NELFCD: variants seen among roughly 807,000 people sequenced by gnomAD.
NELFCD encodes the protein negative elongation factor complex member C/D.
Under a neutral mutation model 72.9 loss-of-function variants are expected in NELFCD, and 48 were observed. That is an observed-to-expected ratio of 0.66 (90% CI 0.52 to 0.84). The LOEUF is 0.84. Ranked by LOEUF, NELFCD falls within the 40% of genes least tolerant of loss-of-function variation. The pLI is 0.00. For missense variants in NELFCD, 538 were observed against 723.8 expected (o/e 0.74, Z 2.94); for synonymous variants, 297 against 280.6 (o/e 1.06, Z -0.59).
Position 58,994,681 on chromosome 20 carries a change from G to C in NELFCD, c.*5G>C. On this transcript the variant is annotated 3_prime_UTR_variant, in exon 15 of 15. Transcript: ENST00000652272. ...AACTTCATCATGGTGAACTAATTTA[G>C]AGCATCCTCCAGAGCTGAAGCAGAA... 6.2e-7 allele frequency: 1 copy of C among 1,609,876 alleles called. No individual in the cohort carries two copies. Among genetic ancestry groups the C allele is most frequent in the South Asian group, 1.1e-5 (1 of 90,882 alleles).
chr20:58,994,970 C>T lies in NELFCD; in HGVS notation c.*294C>T. 2.9e-6 allele frequency: 1 copy of T among 340,880 alleles called. No individual in the cohort carries two copies. Among genetic ancestry groups the T allele is most frequent in the African/African-American group, 2.1e-5 (1 of 47,156 alleles). The allele number at this position is 340,880 out of a possible 1,614,324, so 21.1% of individuals were successfully genotyped here. On this transcript the variant is annotated 3_prime_UTR_variant, in exon 15 of 15. Transcript: ENST00000652272. Reference sequence around the variant, plus strand: ...GACCCCTCAGGACAGATCTGGCCGTCAGCCGCGGGCCGCTGGGAACTCCAC... The same window carrying T: ...GACCCCTCAGGACAGATCTGGCCGTTAGCCGCGGGCCGCTGGGAACTCCAC...
chr20:58,992,158 G>T (rs1434137642), intron 10 of NELFCD, 138 bp downstream of exon 10: 8 of 928,816 alleles, frequency 8.6e-6, no homozygotes, highest in Non-Finnish European at 1.2e-5. Context: ...TAAACAGTAT[G>T]TAGGGAACTT....
chr20:58,994,580 A>AT, intron 14 of NELFCD, 62 bp from the exon 15 acceptor site: 9 of 1,292,950 alleles, frequency 7.0e-6, no homozygotes, highest in Non-Finnish European at 9.9e-6. Context: ...AAAAAAAAAA[A>AT]GAAAGAAAAT....
chr20:58,987,415 TCC>T, intron 3 of NELFCD: 1 of 376,520 alleles, frequency 2.7e-6, no homozygotes, highest in Non-Finnish European at 4.8e-6. Flanking sequence ...TGTTTTTCCA[TCC>T]CCCTACCTGT....
chr20:58,993,462 A>G lies in NELFCD; in HGVS notation c.1358A>G (p.His453Arg). The change falls in exon 12 of 15, where the codon CAC becomes CGC. Residue 453 changes from histidine (H) to arginine (R), a missense_variant. By Grantham distance (29) the His-to-Arg change is conservative (BLOSUM62 0). Transcript: ENST00000652272. The surrounding 1 kb of genome is among the most constrained non-coding windows in gnomAD (Gnocchi z 5.0). ...LALLDEISTC[H>R]QLLHPQVLQL... ...GCCTGTTTGTAGATCAGCACCTGCC[A>G]CCAGCTCCTGCACCCCCAGGTCCTG... is the stretch of plus-strand genomic sequence containing the variant. 6.2e-7 allele frequency: 1 copy of G among 1,613,788 alleles called. No individual in the cohort carries two copies. The highest frequency in any genetic ancestry group is 8.5e-7 in the Non-Finnish European group (1 of 1,180,018).
Position 58,987,922 on chromosome 20 carries a change from G to A in NELFCD, c.396+105G>A, listed in dbSNP as rs538676179. The A allele has an allele frequency of 3.7e-6, 3 of 811,658 alleles. No individual in the cohort carries two copies. In the African/African-American group the frequency reaches 5.2e-5, roughly 14 times the overall value. 50.3% of individuals were successfully genotyped at this position (811,658 alleles called of 1,614,324 possible). On this transcript the variant is annotated intron_variant, in intron 4 of 14. Transcript: ENST00000652272. The stretch of plus-strand genomic sequence containing the variant: ...ATCATGTAAGTAATGGCAGAGTTGA[G>A]GACTAAAATCAGAGTGTGAGACAGA...
At chr20:58,986,000 C>T (rs1471263287) in intron 1 of NELFCD, 93 bp from the exon 2 acceptor site, 1 of 856,656 alleles carries the variant, frequency 1.2e-6, no homozygotes, top group African/African-American at 1.7e-5. Flanking sequence ...GTGTAGAATA[C>T]TTTCAAAATG....
At position 58,993,586 on chromosome 20, in the gene NELFCD, C is replaced by G; in HGVS notation, c.1441-38C>G. On this transcript the variant is annotated intron_variant, in intron 12 of 14. Transcript: ENST00000652272. This position sits in a 1 kb window ranked among gnomAD's most constrained non-coding sequence, Gnocchi z 5.0. ...GGGCTTGCCAGAGGGCTGAGGAGGA[C>G]CCTCTCTAACCAGCTCCCTGTCCCC... The G allele has an allele frequency of 6.2e-7, 1 of 1,614,122 alleles. No individual in the cohort carries two copies. The highest frequency in any genetic ancestry group is 8.5e-7 in the Non-Finnish European group (1 of 1,179,968).
rs1180093523 is a variant in NELFCD, at chr20:58,994,656, A to G, written c.1726A>G (p.Asn576Asp). Residue 576 changes from asparagine to aspartate, a missense_variant, in exon 15 of 15, where the codon AAC (asparagine) becomes GAC (aspartate). This residue lies in a region of NELFCD where 136 missense variants were observed against 154.0 expected (regional missense o/e 0.88). Coordinates refer to ENST00000652272, the MANE Select transcript of NELFCD (RefSeq NM_198976.4). ...VTEFIAHCKSNFIMVN is the reference protein window; with the variant it reads ...VTEFIAHCKSDFIMVN ...CCTCGTTAAAGCTCACTGCAAATCT[A>G]ACTTCATCATGGTGAACTAATTTAG... 1.9e-6 allele frequency: 3 copies of G among 1,611,942 alleles called. No individual in the cohort carries two copies. The highest frequency in any genetic ancestry group is 1.1e-5 in the South Asian group (1 of 90,998).
chr20:58,982,415 C>T (rs1475074246), intron 1 of NELFCD, among the ~76,000 whole-genome samples: 1 of 152,094 alleles, frequency 6.6e-6, no homozygotes, highest in Non-Finnish European at 1.5e-5. Flanking sequence ...ACCTCTGCCT[C>T]CCAAAGTACT....
At position 58,987,734 on chromosome 20, in the gene NELFCD, A is replaced by G. The variant is rs752515162; in HGVS notation, c.313A>G (p.Thr105Ala). Reference protein sequence around the residue: ...TGVEPVQVQETVENHLKSLLI... With the variant: ...TGVEPVQVQEAVENHLKSLLI... ...TGTTGAGCCAGTGCAGGTTCAGGAAACTGTGGAAAATCACTTGAAGAGTTT... is the reference window on the plus strand; with the variant it reads ...TGTTGAGCCAGTGCAGGTTCAGGAAGCTGTGGAAAATCACTTGAAGAGTTT... Residue 105 changes from threonine (T) to alanine (A), a missense_variant, in exon 4 of 15, where the codon ACT becomes GCT. Around this residue, in one of 3 missense-constraint regions of NELFCD, gnomAD observed 355 missense variants for 534.5 expected, o/e 0.66. Transcript: ENST00000652272. 2.5e-6 allele frequency: 4 copies of G among 1,614,076 alleles called. No individual in the cohort carries two copies. Among genetic ancestry groups the G allele is most frequent in the African/African-American group, 2.7e-5 (2 of 74,924 alleles).
rs368073324 is a variant in NELFCD, at chr20:58,990,994, G to A, written c.873G>A (p.Leu291=). The A allele has an allele frequency of 3.8e-5, 62 of 1,614,084 alleles. No homozygotes were observed. Among genetic ancestry groups the A allele is most frequent in the Non-Finnish European group, 5.0e-5 (59 of 1,180,036 alleles). Residue 291 remains leucine, a synonymous_variant, in exon 8 of 15, where the codon CTG becomes CTA. Transcript: ENST00000652272. ...CCTGCCAGGCTCTCGGGGCCATGCTGTCCAAAGGAGCCCTGAACCCTGCTG... is the reference window on the plus strand; with the variant it reads ...CCTGCCAGGCTCTCGGGGCCATGCTATCCAAAGGAGCCCTGAACCCTGCTG... ...PRACQALGAM[L]SKGALNPADI... is the part of the protein sequence containing the mutation.
chr20:58,992,649 A>C (rs550935524), intron 10 of NELFCD, among the ~76,000 whole-genome samples: 3 of 152,266 alleles, frequency 2.0e-5, no homozygotes, highest in South Asian at 4.1e-4. Context: ...GAATCCCAGC[A>C]ATCTGGGAGG....
At position 58,993,478 on chromosome 20, in the gene NELFCD, C is replaced by G; in HGVS notation, c.1374C>G (p.Pro458=). ...EISTCHQLLH[P]QVLQLLVKLF... ...GCACCTGCCACCAGCTCCTGCACCCCCAGGTCCTGCAGCTGCTTGTTAAGC... is the reference window on the plus strand; with the variant it reads ...GCACCTGCCACCAGCTCCTGCACCCGCAGGTCCTGCAGCTGCTTGTTAAGC... The change falls in exon 12 of 15, where the codon CCC becomes CCG. Residue 458 remains proline, a synonymous_variant. Transcript: ENST00000652272. This position sits in a 1 kb window ranked among gnomAD's most constrained non-coding sequence, Gnocchi z 5.0. 6.2e-7 allele frequency: 1 copy of G among 1,614,108 alleles called. No homozygotes were observed. The highest frequency in any genetic ancestry group is 8.5e-7 in the Non-Finnish European group (1 of 1,180,048).
chr20:58,993,195 G>A lies in NELFCD; in HGVS notation c.1344+83G>A. On this transcript the variant is annotated intron_variant, in intron 11 of 14. Coordinates refer to ENST00000652272, the MANE Select transcript of NELFCD (RefSeq NM_198976.4). The surrounding 1 kb of genome is among the most constrained non-coding windows in gnomAD (Gnocchi z 5.0). ...TTGGCATTAACATTGCATCTATTCA[G>A]TGAGTTTAGAGGATACTCTTCTCAA... 9.2e-7 allele frequency: 1 copy of A among 1,083,232 alleles called. No individual in the cohort carries two copies. Among genetic ancestry groups the A allele is most frequent in the Non-Finnish European group, 1.4e-6 (1 of 701,640 alleles). 67.1% of individuals were successfully genotyped at this position (1,083,232 alleles called of 1,614,324 possible). A position where few individuals can be genotyped will look rare whatever the true frequency, so the allele number is the denominator to read the frequency against.
chr20:58,990,933 C>T lies in NELFCD; in HGVS notation c.812C>T (p.Thr271Ile). Reference sequence around the variant, plus strand: ...AGAGGTCATGACGCCAGTCAGATCACACTAGCCTTGGGCACAGCTGCCTCC... The same window carrying T: ...AGAGGTCATGACGCCAGTCAGATCATACTAGCCTTGGGCACAGCTGCCTCC... ...QEKGHDASQI[T>I]LALGTAASYP... Residue 271 changes from threonine to isoleucine, a missense_variant, in exon 8 of 15, where the codon ACA becomes ATA. Around this residue, in one of 3 missense-constraint regions of NELFCD, gnomAD observed 355 missense variants for 534.5 expected, o/e 0.66. Transcript: ENST00000652272. The T allele has an allele frequency of 6.2e-7, 1 of 1,614,166 alleles. No homozygotes were observed. The highest frequency in any genetic ancestry group is 8.5e-7 in the Non-Finnish European group (1 of 1,180,024).
At chr20:58,991,811 G>A (rs550748221) in intron 9 of NELFCD, 70 bp from the exon 10 acceptor site, 29 of 1,556,702 alleles carry the variant, frequency 1.9e-5, no homozygotes, top group South Asian at 4.7e-5. Context: ...AGAAGTGGCC[G>A]ACACCAGAAC....
Position 58,994,719 on chromosome 20 carries a change from C to T in NELFCD, c.*43C>T, listed in dbSNP as rs767846381. 7 of 1,548,582 alleles carry T rather than the reference C, an allele frequency of 4.5e-6. No individual in the cohort carries two copies. The East Asian group carries it at 1.1e-4, about 25-fold the overall frequency. On this transcript the variant is annotated 3_prime_UTR_variant, in exon 15 of 15. Transcript: ENST00000652272. ...AGCTGAAGCAGAACATTCCAGAACC[C>T]GTTGTGGAAAAACCCTTTCAAGAAG... is the stretch of plus-strand genomic sequence containing the variant.
chr20:58,982,145 T>C (rs978147500), intron 1 of NELFCD, among the ~76,000 whole-genome samples: 4 of 50,906 alleles, frequency 7.9e-5, no homozygotes, highest in Admixed American at 1.9e-4. Context: ...CTTGCATTTT[T>C]TTTTTTTTTT....
Sources: allele counts gnomAD v4.1 joint callset (sites outside exome capture counted in the v4.1 genomes callset), GRCh38; gene constraint gnomAD v4.1.1; regional missense constraint gnomAD v4.1.1; non-coding constraint Gnocchi (gnomAD v3.1); transcripts MANE v1.5; gene names NCBI Gene and HGNC (gene_info 2026-07-23, HGNC 2026-07-21).